Variants in DAB1 observed in about 807,000 individuals in gnomAD.
DAB1 encodes the protein DAB adaptor protein 1, also known as disabled homolog 1.
Under a neutral mutation model 64.6 loss-of-function variants are expected in DAB1, and 15 were observed. That is an observed-to-expected ratio of 0.23 (90% CI 0.16 to 0.36). The LOEUF (loss-of-function observed/expected upper bound fraction) is 0.36. Ranked by LOEUF, DAB1 falls within the 10% of genes least tolerant of loss-of-function variation. The pLI is 1.00. For synonymous variants in DAB1, 235 were observed against 251.9 expected (o/e 0.93, Z 0.64); for missense variants, 596 against 706.7 (o/e 0.84, Z 1.78).
chr1:58,505,431 A>G (rs1645972439), intron 3 of DAB1, among the ~76,000 whole-genome samples: 1 of 152,194 alleles, frequency 6.6e-6, no homozygotes, highest in South Asian at 2.1e-4. Context: ...GGAAACCATA[A>G]AAACATTCTG....
chr1:57,864,073 G>A (rs75899572), intron 1 of DAB1, among the ~76,000 whole-genome samples: 3,935 of 152,230 alleles, frequency 0.026, 93 homozygotes, highest in East Asian at 0.13. Flanking sequence ...GTGCTAGGAC[G>A]AAAAAGGAGA....
chr1:58,228,696 G>C, intron 4 of DAB1: 1 of 1,139,816 alleles, frequency 8.8e-7, no homozygotes, highest in Non-Finnish European at 1.3e-6. Context: ...GTACCTCTTA[G>C]CCTTGCCCTG....
chr1:57,521,483 T>C (rs1378845846), intron 7 of DAB1, among the ~76,000 whole-genome samples: 1 of 152,084 alleles, frequency 6.6e-6, no homozygotes, highest in Non-Finnish European at 1.5e-5. Context: ...ATTCATCTCA[T>C]GCTGAAAGCT....
chr1:57,599,394 C>A (rs1353294297), intron 7 of DAB1, among the ~76,000 whole-genome samples: 1 of 151,986 alleles, frequency 6.6e-6, no homozygotes, highest in Non-Finnish European at 1.5e-5. Flanking sequence ...CCTAAGGAAT[C>A]TCAGAAAGCT....
intron 3 of DAB1, among the ~76,000 whole-genome samples, chr1:58,429,209 T>G (rs1049715341): frequency 6.6e-6 from 1 of 152,172 alleles, no homozygotes; most frequent in Non-Finnish European, 1.5e-5. Flanking sequence ...AGTTCAAGAC[T>G]AACATAACAA....
chr1:57,141,965 G>A (rs2100812368), intron 3 of DAB1, among the ~76,000 whole-genome samples: 1 of 152,202 alleles, frequency 6.6e-6, no homozygotes, highest in East Asian at 1.9e-4. Context: ...TGAAGGCTAT[G>A]AGGCAAATAC....
chr1:58,055,565 T>C (rs927086135), intron 5 of DAB1, among the ~76,000 whole-genome samples: 2 of 152,216 alleles, frequency 1.3e-5, no homozygotes, highest in African/African-American at 2.4e-5. Flanking sequence ...TGTAAGCTCC[T>C]TGAAGGCAGA....
chr1:58,422,944 C>G (rs1557755567), intron 3 of DAB1, among the ~76,000 whole-genome samples: 1 of 152,196 alleles, frequency 6.6e-6, no homozygotes, highest in Non-Finnish European at 1.5e-5. Context: ...ACAGCTAGAA[C>G]CCCAATTGCA....
In DAB1 at chr1:57,911,842, AT is replaced by A. The variant is rs1644649587; in HGVS notation, n.388-27681del. 1.3e-5 allele frequency among the ~76,000 whole-genome samples: 2 copies of A among 152,132 alleles called. 1 individual carries two copies. Among genetic ancestry groups the A allele is most frequent in the Non-Finnish European group, 2.9e-5 (2 of 68,018 alleles). The stretch of plus-strand genomic sequence containing the variant: ...CTCTAGATACACTATAGCTTTCCTT[AT>A]TCCCTCAGCACTAGGTAGGGAGCTT... On this transcript the variant is annotated intron_variant and non_coding_transcript_variant, in intron 5 of 20. Coordinates refer to the DAB1 transcript ENST00000485760.
At chr1:58,443,120 C>A (rs1645030143) in intron 3 of DAB1, among the ~76,000 whole-genome samples, 1 of 152,178 alleles carries the variant, frequency 6.6e-6, no homozygotes, top group Non-Finnish European at 1.5e-5. Flanking sequence ...CAGCCCCTGC[C>A]ACTTCCTGTT....
chr1:57,211,575 C>A (rs1408588729), intron 2 of DAB1, among the ~76,000 whole-genome samples: 2 of 152,062 alleles, frequency 1.3e-5, no homozygotes, highest in Non-Finnish European at 2.9e-5. Context: ...TACCTGCAAA[C>A]TGGGATGATG....
intron 3 of DAB1, among the ~76,000 whole-genome samples, chr1:58,427,770 A>G (rs1644834999): frequency 6.6e-6 from 1 of 152,164 alleles, no homozygotes; most frequent in African/African-American, 2.4e-5. Flanking sequence ...TTAAAATGTT[A>G]GATAGGGAGT....
intron 4 of DAB1, among the ~76,000 whole-genome samples, chr1:58,217,306 C>T (rs913182573): frequency 1.3e-5 from 2 of 152,190 alleles, no homozygotes; most frequent in African/African-American, 2.4e-5. Flanking sequence ...AGGGCCCAAG[C>T]AGGACCTGGA....
intron 5 of DAB1, among the ~76,000 whole-genome samples, chr1:58,036,565 C>G (rs866891050): frequency 3.3e-5 from 5 of 152,318 alleles, no homozygotes; most frequent in Admixed American, 1.3e-4. Context: ...CAAATTAATA[C>G]TTTTATCATC....
chr1:57,885,654 G>T (rs2101975249), upstream of DAB1, among the ~76,000 whole-genome samples: 1 of 152,218 alleles, frequency 6.6e-6, no homozygotes, highest in East Asian at 1.9e-4. Flanking sequence ...CCTTTCACTA[G>T]AAAAAGTATT....
chr1:57,286,083 A>G (rs188466922), intron 2 of DAB1, among the ~76,000 whole-genome samples: 3 of 152,330 alleles, frequency 2.0e-5, no homozygotes, highest in Admixed American at 2.0e-4. Flanking sequence ...CACTACTTAC[A>G]TCCCTCATTT....
At chr1:58,198,012 GT>G (rs1165164137) in intron 4 of DAB1, among the ~76,000 whole-genome samples, 15 of 152,210 alleles carry the variant, frequency 9.9e-5, no homozygotes, top group Non-Finnish European at 2.2e-4. Context: ...CAGCCATGAA[GT>G]GACTCTTCAA....
rs985080922 is a variant in DAB1 at position 57,905,615 on chromosome 1, C to T, written n.388-21453G>A. On this transcript the variant is annotated intron_variant and non_coding_transcript_variant, in intron 5 of 20. Transcript: ENST00000485760. The stretch of plus-strand genomic sequence containing the variant: ...GATAAGTAGGTATGAGTCTGAAGCT[C>T]AGGGAAGAAGTCTGGGCTAGAGATG... Among the ~76,000 whole-genome samples, 37 of 152,068 alleles carry T rather than the reference C, an allele frequency of 2.4e-4. 1 individual carries two copies. Among genetic ancestry groups the T allele is most frequent in the African/African-American group, 8.2e-4 (34 of 41,416 alleles).
At chr1:58,211,005 C>G (rs1432359761) in intron 4 of DAB1, among the ~76,000 whole-genome samples, 1 of 152,100 alleles carries the variant, frequency 6.6e-6, no homozygotes, top group African/African-American at 2.4e-5. Flanking sequence ...GAGAACCGAT[C>G]TTGCAGTGGC....
Sources: gnomAD v4.1 joint callset for allele counts (sites outside exome capture counted in the v4.1 genomes callset) on GRCh38, gnomAD v4.1.1 for gene constraint, MANE v1.5 for transcripts, NCBI Gene and HGNC (gene_info 2026-07-23, HGNC 2026-07-21) for gene names.